The following PDE1C variants were observed in gnomAD, a reference collection of about 807,000 sequenced individuals.
PDE1C encodes the protein phosphodiesterase 1C.
A neutral mutation model predicts 93.1 loss-of-function variants in PDE1C; 62 were observed. That is an observed-to-expected ratio of 0.67 (90% CI 0.54 to 0.82). PDE1C has a LOEUF of 0.82. PDE1C is among the 40% of genes least tolerant of loss of function. The pLI is 0.00. For missense variants in PDE1C, 742 were observed against 884.6 expected, an observed-to-expected ratio of 0.84 and a Z score of 2.04; for synonymous variants, 325 against 310.1, an observed-to-expected ratio of 1.05 and a Z score of -0.50.
intron 2 of PDE1C, among the ~76,000 whole-genome samples, chr7:32,184,446 T>C (rs1397357717): frequency 1.3e-5 from 2 of 152,158 alleles, no homozygotes; most frequent in Non-Finnish European, 2.9e-5. Flanking sequence ...GTGGCACATA[T>C]ACACCATGGA....
intron 1 of PDE1C, among the ~76,000 whole-genome samples, chr7:32,286,762 T>A (rs1812027964): frequency 1.3e-5 from 2 of 152,220 alleles, no homozygotes; most frequent in South Asian, 4.1e-4. Context: ...AGAACTGCAA[T>A]AGAATAGTAT....
At chr7:32,298,640 A>T in intron 1 of PDE1C, 1 of 1,598,596 alleles carries the variant, frequency 6.3e-7, no homozygotes, top group Non-Finnish European at 8.5e-7. Context: ...AGAGGGGTGG[A>T]AAGTTCTCAC....
At chr7:31,812,322 A>G (rs555189489) in intron 15 of PDE1C, among the ~76,000 whole-genome samples, 1 of 152,200 alleles carries the variant, frequency 6.6e-6, no homozygotes, top group South Asian at 2.1e-4. Context: ...ACCAACTTCA[A>G]AATGAATTAT....
At chr7:32,015,211 C>T (rs1478394375) in intron 2 of PDE1C, among the ~76,000 whole-genome samples, 2 of 152,020 alleles carry the variant, frequency 1.3e-5, no homozygotes, top group Admixed American at 6.6e-5. Flanking sequence ...TTATAAATTA[C>T]CCAGTCTCAG....
intron 2 of PDE1C, among the ~76,000 whole-genome samples, chr7:32,015,566 C>T (rs747649954): frequency 6.6e-6 from 1 of 151,586 alleles, no homozygotes; most frequent in Non-Finnish European, 1.5e-5. Flanking sequence ...TCATGGAAGA[C>T]AAGAGCTAGA....
At chr7:32,277,231 G>A (rs527380220) in intron 1 of PDE1C, among the ~76,000 whole-genome samples, 144 of 152,084 alleles carry the variant, frequency 9.5e-4, no homozygotes, top group Non-Finnish European at 1.6e-3. Flanking sequence ...CCTGGGTGAT[G>A]GAGCAAGACC....
intron 2 of PDE1C, among the ~76,000 whole-genome samples, chr7:32,174,393 C>A (rs1328189040): frequency 6.6e-6 from 1 of 152,104 alleles, no homozygotes; most frequent in Non-Finnish European, 1.5e-5. Flanking sequence ...AACTGAGGGG[C>A]AAATAGAGGG....
chr7:32,356,420 C>T (rs904414680), intron 1 of PDE1C, among the ~76,000 whole-genome samples: 1 of 152,182 alleles, frequency 6.6e-6, no homozygotes, highest in Non-Finnish European at 1.5e-5. Context: ...AACCTTGCTG[C>T]CTAGAAAGCT....
chr7:32,164,291 T>C (rs1175855534), intron 3 of PDE1C, among the ~76,000 whole-genome samples: 1 of 152,136 alleles, frequency 6.6e-6, no homozygotes, highest in African/African-American at 2.4e-5. Context: ...AAAACATAAG[T>C]CTAGACTAGA....
At chr7:31,945,188 T>C (rs1045610367) in intron 2 of PDE1C, among the ~76,000 whole-genome samples, 2 of 152,212 alleles carry the variant, frequency 1.3e-5, no homozygotes, top group African/African-American at 4.8e-5. Flanking sequence ...CCATAGGACA[T>C]TGCTGTCATT....
At chr7:31,917,470 C>A (rs942437780) in intron 2 of PDE1C, among the ~76,000 whole-genome samples, 1 of 152,128 alleles carries the variant, frequency 6.6e-6, no homozygotes, top group African/African-American at 2.4e-5. Context: ...CATTACCCTG[C>A]CAAAACCAAG....
chr7:32,389,706 A>G (rs1784716603), intron 1 of PDE1C, among the ~76,000 whole-genome samples: 1 of 152,252 alleles, frequency 6.6e-6, no homozygotes, highest in Non-Finnish European at 1.5e-5. Context: ...TACAGGCAGA[A>G]TGATACTAAT....
At chr7:31,828,754 C>G (rs1790010340) in intron 11 of PDE1C, among the ~76,000 whole-genome samples, 1 of 152,132 alleles carries the variant, frequency 6.6e-6, no homozygotes, top group Non-Finnish European at 1.5e-5. Context: ...AGCTAATGAA[C>G]TCCTCCCAGA....
intron 9 of PDE1C, among the ~76,000 whole-genome samples, chr7:31,846,899 C>T (rs1189473230): frequency 1.3e-5 from 2 of 152,092 alleles, no homozygotes; most frequent in Non-Finnish European, 2.9e-5. Flanking sequence ...ACTAAAGCTA[C>T]ATGGAAACTC....
At chr7:32,244,445 G>A (rs1434248664) in intron 1 of PDE1C, among the ~76,000 whole-genome samples, 4 of 152,210 alleles carry the variant, frequency 2.6e-5, no homozygotes, top group Admixed American at 2.6e-4. Context: ...CTGCACTGAA[G>A]CAGCATTTTA....
At chr7:32,147,036 T>C (rs80176260) in intron 3 of PDE1C, among the ~76,000 whole-genome samples, 647 of 151,992 alleles carry the variant, frequency 4.3e-3, no homozygotes, top group African/African-American at 0.015. Context: ...CAAAGATATA[T>C]ACTAAATCCC....
Position 32,404,563 on chromosome 7 carries a change from G to C in PDE1C, c.310+23259C>G, listed in dbSNP as rs376744109. 4.6e-5 allele frequency among the ~76,000 whole-genome samples: 7 copies of C among 152,130 alleles called. No individual in the cohort carries two copies. In the East Asian group the frequency reaches 1.2e-3, roughly 25 times the overall value. ...TTTTTAAGAGACAGGGTCTCACTCT[G>C]TTGCCCAGGCTGATTTCAAATTCCT... On this transcript the variant is annotated intron_variant, in intron 1 of 1. Transcript: ENST00000672256.
chr7:31,892,438 C>G (rs1305204295), intron 2 of PDE1C, among the ~76,000 whole-genome samples: 1 of 152,188 alleles, frequency 6.6e-6, no homozygotes, highest in African/African-American at 2.4e-5. Context: ...AGTGACTTTA[C>G]TAAAGGCTCA....
At chr7:31,901,579 A>C (rs1799984602) in intron 2 of PDE1C, among the ~76,000 whole-genome samples, 1 of 151,172 alleles carries the variant, frequency 6.6e-6, no homozygotes, top group Non-Finnish European at 1.5e-5. Context: ...ATTCTAAACT[A>C]TGGATTTGTT....
Sources: allele counts gnomAD v4.1 joint callset (sites outside exome capture counted in the v4.1 genomes callset), GRCh38; gene constraint gnomAD v4.1.1; transcripts MANE v1.5; gene names NCBI Gene and HGNC (gene_info 2026-07-23, HGNC 2026-07-21).